The following IRAG2 variants were observed in gnomAD, a reference collection of about 807,000 sequenced individuals.
IRAG2 encodes the protein lymphoid restricted membrane protein.
Under a neutral mutation model 69.9 loss-of-function variants are expected in IRAG2, and 45 were observed. That is an observed-to-expected ratio of 0.64 (90% CI 0.51 to 0.83). The LOEUF is 0.83. Among genes scored for constraint, IRAG2 ranks in the 40% least tolerant of loss-of-function variants. The probability of loss-of-function intolerance (pLI) is 0.00; values close to 1 mark genes in which losing one functional copy is unlikely to be tolerated. For missense variants in IRAG2, 520 were observed against 587.0 expected (o/e 0.89, Z 1.18); for synonymous variants, 193 against 202.4 (o/e 0.95, Z 0.40).
intron 9 of IRAG2, 149 bp from the exon 10 acceptor site, chr12:25,083,274 C>T (rs180844797): frequency 3.7e-5 from 26 of 698,940 alleles, no homozygotes; most frequent in African/African-American, 2.1e-4. Flanking sequence ...TCAATGGGCA[C>T]GTATACATTT....
chr12:25,089,558 G>T, intron 11 of IRAG2, 56 bp from the exon 12 acceptor site: 1 of 1,011,116 alleles, frequency 9.9e-7, no homozygotes. Context: ...TAGATCAAAT[G>T]TGCTTTTACA....
intron 21 of IRAG2, among the ~76,000 whole-genome samples, chr12:25,107,269 AT>A (rs1343622615): frequency 6.6e-6 from 1 of 152,166 alleles, no homozygotes; most frequent in Non-Finnish European, 1.5e-5. Flanking sequence ...TATATGTTAT[AT>A]TCTATTTTAT....
In IRAG2 at chr12:25,107,735, A is replaced by AC. The variant is rs1213888565; in HGVS notation, c.1257-80dup. ...GTTTTGGGGGTATGAAGGGCAGATC[A>AC]CCTGACTGGTGGTGTTAGCAAAAGG... On this transcript the variant is annotated intron_variant, in intron 21 of 21. Transcript: ENST00000556887. 101 of 1,365,492 alleles carry AC rather than the reference A, an allele frequency of 7.4e-5. No individual in the cohort carries two copies. The African/African-American group carries it at 1.3e-3, about 17-fold the overall frequency. The allele number at this position is 1,365,492 out of a possible 1,614,324, so 84.6% of individuals were successfully genotyped here.
At chr12:25,107,591 G>A (rs1425251878) in intron 21 of IRAG2, among the ~76,000 whole-genome samples, 2 of 148,702 alleles carry the variant, frequency 1.3e-5, no homozygotes, top group Non-Finnish European at 3.0e-5. Flanking sequence ...CCTACATCAC[G>A]TAATTTTCAG....
At chr12:25,020,195 G>T (rs1001418755) in intron 6 of IRAG2, among the ~76,000 whole-genome samples, 1 of 152,146 alleles carries the variant, frequency 6.6e-6, no homozygotes, top group African/African-American at 2.4e-5. Context: ...TCATGATATG[G>T]ATTACCATAA....
chr12:25,071,708 AG>A (rs1428428817), intron 6 of IRAG2, among the ~76,000 whole-genome samples: 1 of 152,234 alleles, frequency 6.6e-6, no homozygotes, highest in Non-Finnish European at 1.5e-5. Flanking sequence ...CCAGCTTCAA[AG>A]GATACAGGCC....
chr12:25,075,898 C>A (rs1946662146), intron 6 of IRAG2: 1 of 151,856 alleles, frequency 6.6e-6, no homozygotes, highest in South Asian at 2.1e-4. Context: ...ATGATCTGTC[C>A]AGGTGTCACA....
chr12:25,057,330 C>T (rs972764285), intron 1 of IRAG2, among the ~76,000 whole-genome samples: 5 of 132,104 alleles, frequency 3.8e-5, no homozygotes, highest in African/African-American at 1.4e-4. Context: ...GGGATCATGG[C>T]TCACTGTAGC....
At chr12:25,096,674 A>C (rs1948438402) in intron 14 of IRAG2, among the ~76,000 whole-genome samples, 1 of 152,210 alleles carries the variant, frequency 6.6e-6, no homozygotes, top group African/African-American at 2.4e-5. Context: ...AAGTAAAGAA[A>C]AAAGGGATCA....
At chr12:25,007,842 T>C (rs374279667) in intron 2 of IRAG2, among the ~76,000 whole-genome samples, 1 of 152,172 alleles carries the variant, frequency 6.6e-6, no homozygotes, top group Non-Finnish European at 1.5e-5. Context: ...TTTCACAGTT[T>C]ACCACAATCT....
intron 19 of IRAG2, 28 bp downstream of exon 19, chr12:25,104,086 G>T (rs756395635): frequency 3.8e-6 from 6 of 1,598,584 alleles, no homozygotes; most frequent in Middle Eastern, 3.7e-4. Context: ...GTTCCTCTTT[G>T]GGAACCTTAC....
At chr12:25,104,334 C>A in intron 19 of IRAG2, 27 bp from the exon 20 acceptor site, 1 of 1,387,114 alleles carries the variant, frequency 7.2e-7, no homozygotes, top group Non-Finnish European at 1.0e-6. Context: ...TTTGATTTGA[C>A]AAGTGGCTAT....
chr12:25,090,884 C>T (rs190419561), intron 14 of IRAG2: 11 of 452,360 alleles, frequency 2.4e-5, no homozygotes, highest in South Asian at 9.4e-5. Flanking sequence ...AGAAGAGAAT[C>T]GAGTCTATTT....
intron 6 of IRAG2, among the ~76,000 whole-genome samples, chr12:25,019,546 C>T (rs903263340): frequency 6.6e-6 from 1 of 152,210 alleles, no homozygotes; most frequent in African/African-American, 2.4e-5. Flanking sequence ...TGCCTCTTCT[C>T]CTCTTGATGT....
At chr12:25,065,679 G>A (rs1945935017) in intron 4 of IRAG2, among the ~76,000 whole-genome samples, 1 of 152,180 alleles carries the variant, frequency 6.6e-6, no homozygotes, top group African/African-American at 2.4e-5. Context: ...CCGTGTTCCA[G>A]TAAAACTTTA....
intron 16 of IRAG2, among the ~76,000 whole-genome samples, chr12:25,039,288 A>C (rs1184780493): frequency 6.6e-6 from 1 of 152,232 alleles, no homozygotes; most frequent in Non-Finnish European, 1.5e-5. Flanking sequence ...CAGAGAGAGA[A>C]TACCAGAGGA....
chr12:25,022,941 C>T (rs971937233), intron 7 of IRAG2, among the ~76,000 whole-genome samples: 4 of 152,152 alleles, frequency 2.6e-5, no homozygotes, highest in African/African-American at 9.7e-5. Flanking sequence ...GCCTGGCCAA[C>T]ATGGTGAAAC....
At chr12:25,000,679 A>C (rs779134548), upstream of IRAG2, among the ~76,000 whole-genome samples, 22 of 152,248 alleles carry the variant, frequency 1.4e-4, no homozygotes, top group Non-Finnish European at 2.8e-4. Flanking sequence ...GGTTCATAGA[A>C]CTTGAAAGCA....
At chr12:25,049,198 C>T (rs755101465), upstream of IRAG2, among the ~76,000 whole-genome samples, 18 of 152,094 alleles carry the variant, frequency 1.2e-4, no homozygotes, top group Admixed American at 2.6e-4. Flanking sequence ...GTTTTGTTCT[C>T]TTTTCTTAGG....
Sources: gnomAD v4.1 joint callset for allele counts (sites outside exome capture counted in the v4.1 genomes callset) on GRCh38, gnomAD v4.1.1 for gene constraint, MANE v1.5 for transcripts, NCBI Gene and HGNC (gene_info 2026-07-23, HGNC 2026-07-21) for gene names.